Variants in GHR observed in about 807,000 individuals in gnomAD.
GHR encodes the protein growth hormone receptor.
A neutral mutation model predicts 67.1 loss-of-function variants in GHR; 35 were observed. The observed-to-expected ratio is 0.52, with a 90% confidence interval of 0.40 to 0.69. The LOEUF is 0.69. Ranked by LOEUF, GHR falls within the 30% of genes least tolerant of loss-of-function variation. GHR has a pLI of 0.00. For synonymous variants in GHR, 272 were observed against 269.1 expected (o/e 1.01, Z -0.10); for missense variants, 792 against 764.6 (o/e 1.04, Z -0.42).
At chr5:42,541,893 A>G (rs1312506570) in intron 1 of GHR, among the ~76,000 whole-genome samples, 1 of 152,194 alleles carries the variant, frequency 6.6e-6, no homozygotes, top group African/African-American at 2.4e-5. Flanking sequence ...ATAGATTAGG[A>G]AGTAAAATTG....
In GHR at chr5:42,720,711, CTG is replaced by C. The variant is rs1202720984; in HGVS notation, c.*1288_*1289del. On this transcript the variant is annotated 3_prime_UTR_variant, in exon 10 of 10. Transcript: ENST00000230882. ...CAAGGTTTTCAGTCCCCACAGATAA[CTG>C]AAAATTATTTAAACCGCTAAAAGAA... 1 of 152,158 alleles carries C rather than the reference CTG, an allele frequency of 6.6e-6. No individual in the cohort carries two copies. The highest frequency in any genetic ancestry group is 1.5e-5 in the Non-Finnish European group (1 of 68,030). The allele number at this position is 152,158 out of a possible 1,614,324, so 9.4% of individuals were successfully genotyped here.
At chr5:42,514,921 A>G (rs751040759) in intron 1 of GHR, 6 of 152,222 alleles carry the variant, frequency 3.9e-5, no homozygotes, top group Non-Finnish European at 5.9e-5. Context: ...GGTGACAACT[A>G]TTAATAAGAT....
chr5:42,477,370 G>T (rs1745385202), intron 1 of GHR, among the ~76,000 whole-genome samples: 1 of 152,162 alleles, frequency 6.6e-6, no homozygotes. Context: ...ATAGCAGCAT[G>T]ATTTATAATC....
intron 1 of GHR, among the ~76,000 whole-genome samples, chr5:42,560,259 T>C (rs569291263): frequency 6.6e-6 from 1 of 152,278 alleles, no homozygotes; most frequent in East Asian, 1.9e-4. Flanking sequence ...AAGGGCATAA[T>C]CTCGGCTCAC....
At chr5:42,661,176 C>T (rs1317710270) in intron 3 of GHR, among the ~76,000 whole-genome samples, 1 of 152,226 alleles carries the variant, frequency 6.6e-6, no homozygotes, top group Non-Finnish European at 1.5e-5. Context: ...TTGGAAAACA[C>T]TCTGCAGGAT....
At chr5:42,668,251 C>T (rs1378422795) in intron 3 of GHR, among the ~76,000 whole-genome samples, 1 of 152,128 alleles carries the variant, frequency 6.6e-6, no homozygotes, top group African/African-American at 2.4e-5. Context: ...TTGAGGCTTT[C>T]AATTTTTATT....
chr5:42,648,738 T>G (rs1242367463), intron 3 of GHR, among the ~76,000 whole-genome samples: 1 of 151,342 alleles, frequency 6.6e-6, no homozygotes, highest in Non-Finnish European at 1.5e-5. Flanking sequence ...ATGGTAGTAA[T>G]AGTAAGAGGA....
intron 1 of GHR, among the ~76,000 whole-genome samples, chr5:42,466,173 C>T (rs181298102): frequency 2.1e-3 from 316 of 152,156 alleles, no homozygotes; most frequent in African/African-American, 7.3e-3. Context: ...CTATAGCTGG[C>T]GTGTGGTGTC....
intron 1 of GHR, among the ~76,000 whole-genome samples, chr5:42,439,476 A>C (rs1442235979): frequency 1.3e-5 from 2 of 152,212 alleles, no homozygotes; most frequent in Non-Finnish European, 2.9e-5. Context: ...AATTGCATTA[A>C]CTCTGCTTTA....
chr5:42,432,601 A>C (rs150302211), intron 1 of GHR, among the ~76,000 whole-genome samples: 35 of 152,346 alleles, frequency 2.3e-4, no homozygotes, highest in African/African-American at 8.2e-4. Context: ...TAATCTGACA[A>C]AGCATATGTG....
intron 1 of GHR, among the ~76,000 whole-genome samples, chr5:42,476,871 CT>C (rs1398884324): frequency 6.6e-6 from 1 of 151,882 alleles, no homozygotes; most frequent in Non-Finnish European, 1.5e-5. Context: ...GATTCTTTTT[CT>C]TTTTTTAAAA....
At chr5:42,534,205 T>G (rs1354697941) in intron 1 of GHR, among the ~76,000 whole-genome samples, 3 of 139,028 alleles carry the variant, frequency 2.2e-5, no homozygotes, top group African/African-American at 8.4e-5. Flanking sequence ...TGTGTATATA[T>G]GTATATATGT....
chr5:42,551,591 G>C (rs1297246808), intron 1 of GHR, among the ~76,000 whole-genome samples: 3 of 152,156 alleles, frequency 2.0e-5, no homozygotes, highest in African/African-American at 7.2e-5. Context: ...AAGGGATGGA[G>C]TAACCAACTG....
intron 3 of GHR, among the ~76,000 whole-genome samples, chr5:42,663,919 G>A (rs1293541924): frequency 2.6e-5 from 4 of 152,090 alleles, no homozygotes; most frequent in Admixed American, 6.6e-5. Flanking sequence ...AAATCAATGT[G>A]CAAAAATCAC....
At chr5:42,462,943 A>G (rs1441248288) in intron 1 of GHR, among the ~76,000 whole-genome samples, 1 of 152,188 alleles carries the variant, frequency 6.6e-6, no homozygotes, top group Non-Finnish European at 1.5e-5. Flanking sequence ...AAAATAAAAA[A>G]AAACAGAAAA....
intron 6 of GHR, among the ~76,000 whole-genome samples, chr5:42,703,850 T>G (rs777029242): frequency 3.3e-5 from 5 of 151,980 alleles, no homozygotes; most frequent in Non-Finnish European, 7.4e-5. Flanking sequence ...TTGTTCCTTA[T>G]TAGTGTATAG....
At chr5:42,646,286 T>C (rs575061922) in intron 3 of GHR, 22 of 450,182 alleles carry the variant, frequency 4.9e-5, no homozygotes, top group African/African-American at 3.8e-4. Flanking sequence ...ACCCTGCAAA[T>C]TGAACCCCAG....
At chr5:42,461,691 G>C (rs1433088121) in intron 1 of GHR, among the ~76,000 whole-genome samples, 2 of 152,148 alleles carry the variant, frequency 1.3e-5, no homozygotes, top group Non-Finnish European at 2.9e-5. Context: ...TAGTCTGTCA[G>C]CACTTTGGCA....
At chr5:42,621,469 A>G (rs1249087354) in intron 2 of GHR, among the ~76,000 whole-genome samples, 1 of 152,140 alleles carries the variant, frequency 6.6e-6, no homozygotes, top group Non-Finnish European at 1.5e-5. Context: ...AAACTCACCA[A>G]GCAGAACACT....
Sources: allele counts gnomAD v4.1 joint callset (sites outside exome capture counted in the v4.1 genomes callset), GRCh38; gene constraint gnomAD v4.1.1; transcripts MANE v1.5; gene names NCBI Gene and HGNC (gene_info 2026-07-23, HGNC 2026-07-21).